F9: variants seen among roughly 807,000 people sequenced by gnomAD.
F9 encodes the protein Christmas factor.
Under a neutral mutation model 34.1 loss-of-function variants are expected in F9, and 2 were observed. The observed-to-expected ratio is 0.06, with a 90% CI of 0.02 to 0.18. F9 has a LOEUF of 0.18. Ranked by LOEUF, F9 falls within the 10% of genes least tolerant of loss-of-function variation. The pLI, the probability that F9 is intolerant of heterozygous loss-of-function variation, is 1.00. For missense variants in F9, 216 were observed against 345.1 expected (o/e 0.63, Z 2.96); for synonymous variants, 137 against 118.8 (o/e 1.15, Z -1.00).
intron 1 of F9, among the ~76,000 whole-genome samples, chrX:139,533,391 G>A (rs1040824527): frequency 9.8e-5 from 11 of 112,266 alleles, no homozygotes; most frequent in African/African-American, 2.6e-4. Context: ...TGCCTATCTC[G>A]TGGGACTTTT....
chrX:139,555,610 C>G (rs1052733122), intron 6 of F9, among the ~76,000 whole-genome samples: 3 of 112,780 alleles, frequency 2.7e-5, no homozygotes, highest in Non-Finnish European at 5.6e-5. Context: ...GGAGGTACTT[C>G]AGTTTCCCTC....
intron 6 of F9, among the ~76,000 whole-genome samples, chrX:139,558,519 T>G (rs1928022221): frequency 8.8e-6 from 1 of 113,166 alleles, no homozygotes; most frequent in African/African-American, 3.2e-5. Flanking sequence ...AGCAAAATAT[T>G]AAATGGCAAA....
chrX:139,541,938 A>G (rs978058513), intron 4 of F9, among the ~76,000 whole-genome samples: 8 of 111,810 alleles, frequency 7.2e-5, no homozygotes, highest in Non-Finnish European at 1.3e-4. Context: ...TCCAGATGCA[A>G]TATTACTGGT....
intron 1 of F9, among the ~76,000 whole-genome samples, chrX:139,532,043 A>G (rs1193721023): frequency 8.9e-6 from 1 of 112,109 alleles, no homozygotes; most frequent in East Asian, 2.8e-4. Flanking sequence ...TGAGATGATG[A>G]AGGTTGTAAG....
rs2148362626 is a variant in F9 at position 139,551,276 on chromosome X, TG to T, written c.723+13del. The T allele has an allele frequency of 8.4e-7, 1 of 1,192,833 alleles. No homozygotes were observed. Among genetic ancestry groups the T allele is most frequent in the Non-Finnish European group, 1.1e-6 (1 of 879,663 alleles). ...AATTCCCTTGGCAGGTACTTTATACTGATGGTGTGTCAAAACTGGAGCTCAG... is the reference window on the plus strand; with the variant it reads ...AATTCCCTTGGCAGGTACTTTATACTATGGTGTGTCAAAACTGGAGCTCAG... On this transcript the variant is annotated intron_variant, in intron 6 of 7. Coordinates refer to ENST00000218099, the MANE Select transcript of F9 (RefSeq NM_000133.4).
chrX:139,537,374 A>C lies in F9; in HGVS notation c.265A>C (p.Lys89Gln). ...TTATTCTTTATAGACTGAATTTTGG[A>C]AGCAGTATGTTGGTAAGCAATTCAT... is the stretch of plus-strand genomic sequence containing the variant. ...ENTERTTEFW[K>Q]QYVDGDQCES... Residue 89 changes from lysine (K) to glutamine (Q), a missense_variant, in exon 3 of 8, where the codon AAG becomes CAG. Lys to Gln is a moderately conservative substitution (Grantham distance 53). This residue lies in a region of F9 where 177 missense variants were observed against 311.8 expected (regional missense o/e 0.57). Coordinates refer to ENST00000218099, the MANE Select transcript of F9 (RefSeq NM_000133.4). 8.4e-7 allele frequency: 1 copy of C among 1,187,178 alleles called. No homozygotes were observed. Among genetic ancestry groups the C allele is most frequent in the Non-Finnish European group, 1.1e-6 (1 of 873,609 alleles).
At chrX:139,533,653 C>A (rs1368006620) in intron 1 of F9, among the ~76,000 whole-genome samples, 3 of 111,821 alleles carry the variant, frequency 2.7e-5, no homozygotes, top group Non-Finnish European at 5.6e-5. Context: ...ATACCTAGTA[C>A]AGTGCCTGGC....
At chrX:139,557,707 TA>T (rs983936317) in intron 6 of F9, among the ~76,000 whole-genome samples, 2 of 112,882 alleles carry the variant, frequency 1.8e-5, no homozygotes, top group African/African-American at 6.4e-5. Context: ...AATACCAGTA[TA>T]TAACAGTGTT....
chrX:139,536,978 T>G, intron 1 of F9, 32 bp from the exon 2 acceptor site: 1 of 1,168,978 alleles, frequency 8.6e-7, no homozygotes, highest in Non-Finnish European at 1.2e-6. Context: ...TCTTTTTTGC[T>G]AAAACTAAAG....
chrX:139,535,660 C>G (rs1160653593), intron 1 of F9, among the ~76,000 whole-genome samples: 1 of 111,214 alleles, frequency 9.0e-6, no homozygotes, highest in Non-Finnish European at 1.9e-5. Flanking sequence ...TTGCTAGACC[C>G]TTGAAGAAAG....
chrX:139,552,947 C>T (rs958599622), intron 6 of F9, among the ~76,000 whole-genome samples: 1 of 112,070 alleles, frequency 8.9e-6, no homozygotes, highest in Non-Finnish European at 1.9e-5. Context: ...GTGTATCTAT[C>T]CAGGATTCTT....
chrX:139,532,849 T>G (rs1019691054), intron 1 of F9, among the ~76,000 whole-genome samples: 1 of 111,984 alleles, frequency 8.9e-6, no homozygotes, highest in Non-Finnish European at 1.9e-5. Flanking sequence ...ATATGGACTA[T>G]GACAAGTGAG....
At chrX:139,534,339 G>A (rs1360806196) in intron 1 of F9, among the ~76,000 whole-genome samples, 1 of 111,965 alleles carries the variant, frequency 8.9e-6, no homozygotes, top group Non-Finnish European at 1.9e-5. Flanking sequence ...TTAAGGTTCA[G>A]AGCTTGTGTG....
chrX:139,562,081 G>A lies in F9; in HGVS notation c.*10G>A, dbSNP rs186616567. ...AACAAAGCTCACTTAATGAAAGATG[G>A]ATTTCCAAGGTTAATTCATTGGAAT... On this transcript the variant is annotated 3_prime_UTR_variant, in exon 8 of 8. Transcript: ENST00000218099. The A allele has an allele frequency of 4.2e-6, 5 of 1,198,592 alleles. No individual in the cohort carries two copies. The East Asian group carries it at 1.5e-4, about 36-fold the overall frequency.
chrX:139,549,899 G>A (rs1927802719), intron 5 of F9, among the ~76,000 whole-genome samples: 1 of 112,080 alleles, frequency 8.9e-6, no homozygotes, highest in Non-Finnish European at 1.9e-5. Flanking sequence ...TTCAGGGCCT[G>A]CCCACTTGTT....
intron 6 of F9, among the ~76,000 whole-genome samples, chrX:139,557,318 C>T (rs1303359533): frequency 8.9e-6 from 1 of 112,264 alleles, no homozygotes; most frequent in Non-Finnish European, 1.9e-5. Flanking sequence ...AACGGCCAAA[C>T]ATTCCAAAAC....
intron 6 of F9, among the ~76,000 whole-genome samples, chrX:139,557,843 A>G (rs958799008): frequency 2.7e-5 from 3 of 112,180 alleles, no homozygotes; most frequent in Non-Finnish European, 5.6e-5. Context: ...ACTGCTTTGC[A>G]TTTTTGTTTT....
intron 5 of F9, 63 bp downstream of exon 5, chrX:139,548,554 A>G: frequency 1.8e-6 from 2 of 1,119,204 alleles, no homozygotes. Flanking sequence ...ATTTTAACAA[A>G]CCTACATAAT....
chrX:139,559,526 G>A (rs1375800701), intron 6 of F9, among the ~76,000 whole-genome samples: 3 of 108,484 alleles, frequency 2.8e-5, no homozygotes, highest in African/African-American at 3.4e-5. Flanking sequence ...GCAAGACTCC[G>A]TCAAAAAAAA....
Sources: allele counts gnomAD v4.1 joint callset (sites outside exome capture counted in the v4.1 genomes callset), GRCh38; gene constraint gnomAD v4.1.1; regional missense constraint gnomAD v4.1.1; transcripts MANE v1.5; gene names NCBI Gene and HGNC (gene_info 2026-07-23, HGNC 2026-07-21).